Variants in MXI1 observed in about 807,000 individuals in gnomAD.
MXI1 encodes the protein max-interacting protein 1.
In MXI1, 18 loss-of-function variants were observed where a neutral mutation model predicts 36.9. The observed-to-expected ratio is 0.49, with a 90% CI of 0.34 to 0.72. The LOEUF is 0.72. Among genes scored for constraint, MXI1 ranks in the 30% least tolerant of loss-of-function variants. The pLI, the probability that MXI1 is intolerant of heterozygous loss-of-function variation, is 0.01. For synonymous variants in MXI1, 160 were observed against 146.7 expected, an observed-to-expected ratio of 1.09 and a Z score of -0.65; for missense variants, 304 against 379.1, an observed-to-expected ratio of 0.80 and a Z score of 1.64.
intron 3 of MXI1, among the ~76,000 whole-genome samples, chr10:110,258,503 C>T (rs912105583): frequency 2.6e-5 from 4 of 152,096 alleles, no homozygotes; most frequent in African/African-American, 9.7e-5. Flanking sequence ...CATTATCAAA[C>T]AGTATGAAGA....
intron 3 of MXI1, among the ~76,000 whole-genome samples, chr10:110,262,435 G>T (rs1856549926): frequency 6.6e-6 from 1 of 152,042 alleles, no homozygotes; most frequent in South Asian, 2.1e-4. Flanking sequence ...ACATGTATGT[G>T]TATGTAAATG....
At chr10:110,268,976 C>T (rs1364042506) in intron 3 of MXI1, among the ~76,000 whole-genome samples, 2 of 152,162 alleles carry the variant, frequency 1.3e-5, no homozygotes, top group East Asian at 3.8e-4. Context: ...TACACACTGG[C>T]CAACAATTCC....
chr10:110,214,077 C>T (rs1158330114), intron 1 of MXI1, among the ~76,000 whole-genome samples: 2 of 152,198 alleles, frequency 1.3e-5, no homozygotes, highest in Non-Finnish European at 2.9e-5. Flanking sequence ...GGATATATAG[C>T]TAGTAAGTCG....
intron 2 of MXI1, among the ~76,000 whole-genome samples, chr10:110,239,724 G>C (rs1386428169): frequency 2.0e-5 from 3 of 152,062 alleles, no homozygotes; most frequent in Admixed American, 6.6e-5. Context: ...TATATTTGAA[G>C]TAAGAATTGA....
intron 1 of MXI1, chr10:110,208,355 G>A (rs554041275): frequency 3.1e-6 from 1 of 319,366 alleles, no homozygotes; most frequent in African/African-American, 2.2e-5. Context: ...GCGGAGGAGC[G>A]GGGGAGTGTT....
At chr10:110,219,026 G>A (rs189370936) in intron 1 of MXI1, among the ~76,000 whole-genome samples, 2 of 152,308 alleles carry the variant, frequency 1.3e-5, no homozygotes, top group Admixed American at 1.3e-4. Context: ...TTGTCTGGGC[G>A]AGGTGGCTCA....
intron 1 of MXI1, among the ~76,000 whole-genome samples, chr10:110,221,074 G>C (rs1015916375): frequency 2.0e-5 from 3 of 152,222 alleles, no homozygotes; most frequent in African/African-American, 4.8e-5. Flanking sequence ...CAAGGTTTGC[G>C]GTCATCACCA....
Position 110,227,582 on chromosome 10 carries a change from G to C in MXI1, c.275-607G>C, listed in dbSNP as rs535212692. 215 of 979,588 alleles carry C rather than the reference G, an allele frequency of 2.2e-4. 2 individuals are homozygous for C. Among genetic ancestry groups the C allele is most frequent in the Non-Finnish European group, 2.5e-4 (204 of 824,604 alleles). 60.7% of individuals were successfully genotyped at this position (979,588 alleles called of 1,614,324 possible). A position where few individuals can be genotyped will look rare whatever the true frequency, so the allele number is the denominator to read the frequency against. On this transcript the variant is annotated intron_variant, in intron 1 of 5. Transcript: ENST00000332674. ...GAGGAAGGAGGAACACGGATGCTGG[G>C]GGGGGTCAGGGGAAGGGACGAGGCC...
Position 110,244,984 on chromosome 10 carries a change from A to C in MXI1, c.437+127A>C, listed in dbSNP as rs555821647. The C allele has an allele frequency of 5.8e-4, 484 of 838,084 alleles. 5 individuals carry two copies. In the South Asian group the frequency reaches 9.1e-3, roughly 16 times the overall value. The allele number at this position is 838,084 out of a possible 1,614,324, so 51.9% of individuals were successfully genotyped here. On this transcript the variant is annotated intron_variant, in intron 3 of 5. Transcript: ENST00000332674. ...TTTTTCAGATGTATAGCCCATTGTG[A>C]ATCTGATATATATGTATTTTCTCCA...
intron 1 of MXI1, among the ~76,000 whole-genome samples, chr10:110,212,160 G>A (rs142738815): frequency 1.3e-5 from 2 of 152,200 alleles, no homozygotes; most frequent in Non-Finnish European, 2.9e-5. Context: ...TTAAGATAGG[G>A]AAGGACGATC....
intron 1 of MXI1, among the ~76,000 whole-genome samples, chr10:110,223,171 G>A (rs908737252): frequency 2.0e-4 from 30 of 152,208 alleles, no homozygotes; most frequent in African/African-American, 6.5e-4. Context: ...CAGGCCTCTT[G>A]CATGTAGCCA....
chr10:110,247,354 G>T (rs1855909144), intron 3 of MXI1, among the ~76,000 whole-genome samples: 2 of 152,100 alleles, frequency 1.3e-5, no homozygotes, highest in Non-Finnish European at 2.9e-5. Context: ...GACTCTGATG[G>T]TAGTTTCTTT....
chr10:110,222,641 G>A (rs909414895), intron 1 of MXI1, among the ~76,000 whole-genome samples: 3 of 152,174 alleles, frequency 2.0e-5, no homozygotes, highest in African/African-American at 7.2e-5. Context: ...ATACTTTAGG[G>A]AGAGGACAGA....
intron 5 of MXI1, among the ~76,000 whole-genome samples, chr10:110,282,647 T>G (rs1046663893): frequency 3.3e-5 from 5 of 152,132 alleles, no homozygotes; most frequent in Admixed American, 3.3e-4. Context: ...TTTTCATCAC[T>G]ATAGCTCTCA....
At chr10:110,229,182 T>C (rs571804235) in intron 2 of MXI1, among the ~76,000 whole-genome samples, 36 of 152,382 alleles carry the variant, frequency 2.4e-4, no homozygotes, top group Admixed American at 7.8e-4. Context: ...ATTCATCTCA[T>C]AGGAAGTTTT....
At chr10:110,221,062 C>T (rs2134337825) in intron 1 of MXI1, among the ~76,000 whole-genome samples, 1 of 152,296 alleles carries the variant, frequency 6.6e-6, no homozygotes, top group South Asian at 2.1e-4. Flanking sequence ...TGAGGTTGGG[C>T]CCAAGGTTTG....
intron 2 of MXI1, among the ~76,000 whole-genome samples, chr10:110,240,162 C>T (rs775637342): frequency 2.6e-5 from 4 of 151,906 alleles, no homozygotes; most frequent in Non-Finnish European, 5.9e-5. Context: ...CACAATTTAT[C>T]CATTCTACTA....
intron 2 of MXI1, among the ~76,000 whole-genome samples, chr10:110,231,720 T>A (rs1281896242): frequency 6.6e-6 from 1 of 152,218 alleles, no homozygotes; most frequent in East Asian, 1.9e-4. Context: ...ATCTGGCTTT[T>A]TGGGGAGCAT....
At chr10:110,242,092 ATCC>A (rs1564713884) in intron 2 of MXI1, among the ~76,000 whole-genome samples, 9 of 151,930 alleles carry the variant, frequency 5.9e-5, no homozygotes, top group African/African-American at 2.2e-4. Context: ...TGCTTATCTT[ATCC>A]CTTCCACTTG....
Sources: allele counts gnomAD v4.1 joint callset (sites outside exome capture counted in the v4.1 genomes callset), GRCh38; gene constraint gnomAD v4.1.1; transcripts MANE v1.5; gene names NCBI Gene and HGNC (gene_info 2026-07-23, HGNC 2026-07-21).